RPA1: variants seen among roughly 807,000 people sequenced by gnomAD.
RPA1 encodes the protein replication protein A1.
RPA1 carries 49 observed loss-of-function variants against 83.0 expected under a neutral mutation model. That is an observed-to-expected ratio of 0.59 (90% CI 0.47 to 0.75). The LOEUF is 0.75. Among genes scored for constraint, RPA1 ranks in the 30% least tolerant of loss-of-function variants. The pLI is 0.00. For missense variants in RPA1, 693 were observed against 776.1 expected, an observed-to-expected ratio of 0.89 and a Z score of 1.27; for synonymous variants, 279 against 281.8, an observed-to-expected ratio of 0.99 and a Z score of 0.10.
In RPA1 at chr17:1,879,259, G is replaced by A. The variant is rs749180410; in HGVS notation, c.804G>A (p.Gln268=). The change falls in exon 10 of 17, where the codon CAG becomes CAA. Residue 268 remains glutamine (Q), a synonymous_variant. Coordinates refer to ENST00000254719, the MANE Select transcript of RPA1 (RefSeq NM_002945.5). ...SKGTLKIANK[Q]FTAVKNDYEM... ...GCACCCTGAAGATTGCTAACAAGCA[G>A]TTCACAGCTGTTAAAAATGACTACG... 5.1e-5 allele frequency: 82 copies of A among 1,614,076 alleles called. No homozygotes were observed. The highest frequency in any genetic ancestry group is 6.9e-5 in the Non-Finnish European group (81 of 1,180,044).
Position 1,875,778 on chromosome 17 carries a change from C to G in RPA1, c.572C>G (p.Thr191Ser), listed in dbSNP as rs1329518732. ...AAAGTGGTGCCCATTGCCAGCCTCA[C>G]TCCTTACCAGTCCAAGTGAGTTGTT... ...QSKVVPIASLTPYQSKWTICA... is the reference protein window; with the variant it reads ...QSKVVPIASLSPYQSKWTICA... Residue 191 changes from threonine (T) to serine (S), a missense_variant, in exon 7 of 17, where the codon ACT (threonine) becomes AGT (serine). By Grantham distance (58) the Thr-to-Ser change is moderately conservative (BLOSUM62 1). Coordinates refer to ENST00000254719, the MANE Select transcript of RPA1 (RefSeq NM_002945.5). 6.2e-7 allele frequency: 1 copy of G among 1,613,860 alleles called. No homozygotes were observed. The highest frequency in any genetic ancestry group is 2.2e-5 in the East Asian group (1 of 44,884).
intron 5 of RPA1, chr17:1,858,158 C>G: frequency 6.2e-7 from 1 of 1,613,986 alleles, no homozygotes; most frequent in Non-Finnish European, 8.5e-7. Flanking sequence ...TGTCGGATCC[C>G]ATTCCAGGTA....
intron 5 of RPA1, among the ~76,000 whole-genome samples, chr17:1,871,371 G>T (rs751835832): frequency 1.2e-4 from 18 of 152,194 alleles, no homozygotes; most frequent in Non-Finnish European, 2.5e-4. Flanking sequence ...TTAAATCAGT[G>T]TGTAATGTGC....
At chr17:1,830,222 G>C (rs1265856845) in intron 1 of RPA1, 96 bp downstream of exon 1, 14 of 1,007,612 alleles carry the variant, frequency 1.4e-5, no homozygotes, top group Non-Finnish European at 1.7e-5. Flanking sequence ...GGGCGACGGG[G>C]GATGAACGCG....
chr17:1,837,234 G>T (rs1166543846), intron 1 of RPA1, among the ~76,000 whole-genome samples: 2 of 152,178 alleles, frequency 1.3e-5, no homozygotes, highest in Non-Finnish European at 2.9e-5. Flanking sequence ...CTCCCAAAGT[G>T]TTGGGGTTAC....
At position 1,855,698 on chromosome 17, in the gene RPA1, C is replaced by A. The variant is rs571089036; in HGVS notation, c.361+2509C>A. Reference sequence around the variant, plus strand: ...GATTTTGATACCTGAGTAACCCTGGCCTTATGGAATAAGTTGGGAAGTGTG... The same window carrying A: ...GATTTTGATACCTGAGTAACCCTGGACTTATGGAATAAGTTGGGAAGTGTG... On this transcript the variant is annotated intron_variant, in intron 5 of 16. Coordinates refer to ENST00000254719, the MANE Select transcript of RPA1 (RefSeq NM_002945.5). 8.5e-5 allele frequency among the ~76,000 whole-genome samples: 13 copies of A among 152,156 alleles called. No individual in the cohort carries two copies. The East Asian group carries it at 2.5e-3, about 29-fold the overall frequency.
intron 6 of RPA1, among the ~76,000 whole-genome samples, chr17:1,873,009 T>C (rs1913436518): frequency 6.6e-6 from 1 of 152,200 alleles, no homozygotes; most frequent in South Asian, 2.1e-4. Context: ...ACAGCCAGAC[T>C]TTTAAAAAAG....
At position 1,897,872 on chromosome 17, in the gene RPA1, G is replaced by A. The variant is rs563266656; in HGVS notation, c.*697G>A. 6.6e-5 allele frequency: 10 copies of A among 152,620 alleles called. No homozygotes were observed. The highest frequency in any genetic ancestry group is 1.9e-4 in the East Asian group (1 of 5,194). The allele number at this position is 152,620 out of a possible 1,614,324, so 9.5% of individuals were successfully genotyped here. A position where few individuals can be genotyped will look rare whatever the true frequency, so the allele number is the denominator to read the frequency against. On this transcript the variant is annotated 3_prime_UTR_variant, in exon 17 of 17. Transcript: ENST00000254719. ...TGCCGTCCCCTAAGGAAATCCGAGC[G>A]GCTACAAAGCGTTTCTTTACTTCTC...
chr17:1,894,268 G>A (rs1914311745), intron 15 of RPA1, among the ~76,000 whole-genome samples: 1 of 151,752 alleles, frequency 6.6e-6, no homozygotes, highest in African/African-American at 2.4e-5. Flanking sequence ...TCAGGTCGAA[G>A]CAATTCTTCT....
intron 13 of RPA1, among the ~76,000 whole-genome samples, chr17:1,885,191 G>A (rs921617279): frequency 2.6e-5 from 4 of 152,144 alleles, no homozygotes; most frequent in African/African-American, 9.7e-5. Flanking sequence ...TGCTCACAGC[G>A]TTCTCACCAC....
intron 14 of RPA1, among the ~76,000 whole-genome samples, chr17:1,889,837 T>G (rs1233873812): frequency 6.6e-6 from 1 of 151,314 alleles, no homozygotes; most frequent in East Asian, 2.0e-4. Flanking sequence ...CTGTCTCTAC[T>G]AAAAATACAA....
At chr17:1,843,888 A>G in intron 2 of RPA1, 32 bp from the exon 3 acceptor site, 1 of 1,600,406 alleles carries the variant, frequency 6.2e-7, no homozygotes, top group Non-Finnish European at 8.6e-7. Flanking sequence ...GGGGCAGACA[A>G]CCTGGCTAAT....
chr17:1,869,276 C>A (rs901289234), intron 5 of RPA1, among the ~76,000 whole-genome samples: 2 of 151,896 alleles, frequency 1.3e-5, no homozygotes, highest in Admixed American at 6.6e-5. Flanking sequence ...GTGGCTTATG[C>A]CTGTAATCCC....
At chr17:1,875,919 ACTC>A in intron 7 of RPA1, 126 bp downstream of exon 7, 67 of 859,370 alleles carry the variant, frequency 7.8e-5, no homozygotes, top group Non-Finnish European at 9.3e-5. Flanking sequence ...GAATGGGTTT[ACTC>A]TTTTTTTTTT....
rs111634104 is a variant in RPA1, at chr17:1,879,857, C to T, written c.1092+158C>T. Among the ~76,000 whole-genome samples, 16 of 144,932 alleles carry T rather than the reference C, an allele frequency of 1.1e-4. 1 individual carries two copies. Among genetic ancestry groups the T allele is most frequent in the Admixed American group, 5.5e-4 (8 of 14,498 alleles). On this transcript the variant is annotated intron_variant, in intron 11 of 16. Transcript: ENST00000254719. ...TATAGGATGGGGCCTTCAGCACACA[C>T]AGGAGGAGCTCCAGGAGTTGGCGGA...
intron 1 of RPA1, among the ~76,000 whole-genome samples, chr17:1,831,898 C>CTTTTTTTTTTT (rs138268342): frequency 2.6e-5 from 1 of 37,838 alleles, no homozygotes; most frequent in African/African-American, 9.2e-5. Context: ...TGTGCCCGGC[C>CTTTTTTTTTTT]TTTTTTTTTT....
At chr17:1,855,436 G>T (rs4404106) in intron 5 of RPA1, among the ~76,000 whole-genome samples, 9,014 of 152,036 alleles carry the variant, frequency 0.059, 879 homozygotes, top group African/African-American at 0.2. Context: ...TGGTCCACCC[G>T]CCTGGGCCTC....
chr17:1,876,772 G>T (rs1346207738), intron 7 of RPA1, among the ~76,000 whole-genome samples: 1 of 152,164 alleles, frequency 6.6e-6, no homozygotes. Context: ...TGTTCTTCCT[G>T]ATGGTCCACC....
chr17:1,864,192 G>A (rs1351227892), intron 5 of RPA1, among the ~76,000 whole-genome samples: 2 of 152,176 alleles, frequency 1.3e-5, no homozygotes, highest in Non-Finnish European at 2.9e-5. Context: ...ATAGACAAAG[G>A]TGCTTAGCTG....
Sources: allele counts gnomAD v4.1 joint callset (sites outside exome capture counted in the v4.1 genomes callset), GRCh38; gene constraint gnomAD v4.1.1; transcripts MANE v1.5; gene names NCBI Gene and HGNC (gene_info 2026-07-23, HGNC 2026-07-21).